Variants in CCSER1 observed in about 807,000 individuals in gnomAD.
CCSER1 encodes the protein coiled-coil serine rich protein 1.
In CCSER1, 41 loss-of-function variants were observed where a neutral mutation model predicts 82.0. The ratio of observed to expected loss-of-function variants is 0.50; its 90% CI spans 0.39 to 0.65. The LOEUF is 0.65. CCSER1 is among the 30% of genes least tolerant of loss of function. CCSER1 has a pLI of 0.00. For missense variants in CCSER1, 1,119 were observed against 1,064.2 expected, an observed-to-expected ratio of 1.05 and a Z score of -0.72; for synonymous variants, 414 against 383.9, an observed-to-expected ratio of 1.08 and a Z score of -0.92.
Position 90,216,146 on chromosome 4 carries a change from C to T in CCSER1, c.-42+88315C>T, listed in dbSNP as rs138412118. Among the ~76,000 whole-genome samples the T allele has an allele frequency of 2.9e-3, 449 of 152,234 alleles. 4 individuals carry two copies. Among genetic ancestry groups the T allele is most frequent in the Non-Finnish European group, 4.4e-3 (296 of 68,010 alleles). ...TGTGTGGTGGTTCTTGAATCAGCAC[C>T]GTCTGCATCACCTGGAAGCTTGTTA... On this transcript the variant is annotated intron_variant, in intron 1 of 10. Coordinates refer to ENST00000509176, the MANE Select transcript of CCSER1 (RefSeq NM_001145065.2).
rs748805446 is a variant in CCSER1, at chr4:90,308,926, A to G, written c.642A>G (p.Thr214=). 1.9e-6 allele frequency: 3 copies of G among 1,613,870 alleles called. No homozygotes were observed. Among genetic ancestry groups the G allele is most frequent in the Non-Finnish European group, 2.5e-6 (3 of 1,179,824 alleles). ...AGTCTGAATTCTCATTGGAAGTTAC[A>G]CAGTACCAAGAGAGAGAACCTGTAT... ...VQQSEFSLEV[T]QYQEREPVLV... is the part of the protein sequence containing the mutation. Residue 214 remains threonine (T), a synonymous_variant, in exon 2 of 11, where the codon ACA becomes ACG. Coordinates refer to ENST00000509176, the MANE Select transcript of CCSER1 (RefSeq NM_001145065.2).
chr4:91,245,292 A>G (rs2149135972), intron 10 of CCSER1, among the ~76,000 whole-genome samples: 1 of 152,310 alleles, frequency 6.6e-6, no homozygotes, highest in East Asian at 1.9e-4. Context: ...AAGTGTAAGA[A>G]GATTATAAAA....
Position 91,103,803 on chromosome 4 carries a change from C to T in CCSER1, c.2217+17809C>T, listed in dbSNP as rs185825236. ...ACCTTGAAAAAGAAGAGAATAACAGCGATTTTTAGGGAACAAGGAAAGACA... is the reference window on the plus strand; with the variant it reads ...ACCTTGAAAAAGAAGAGAATAACAGTGATTTTTAGGGAACAAGGAAAGACA... On this transcript the variant is annotated intron_variant, in intron 10 of 10. Coordinates refer to ENST00000509176, the MANE Select transcript of CCSER1 (RefSeq NM_001145065.2). 1.4e-4 allele frequency among the ~76,000 whole-genome samples: 22 copies of T among 152,000 alleles called. 1 individual carries two copies. Among genetic ancestry groups the T allele is most frequent in the African/African-American group, 5.3e-4 (22 of 41,358 alleles).
At chr4:91,546,282 A>G (rs764845584) in intron 10 of CCSER1, among the ~76,000 whole-genome samples, 53 of 152,092 alleles carry the variant, frequency 3.5e-4, no homozygotes, top group Non-Finnish European at 6.3e-4. Context: ...TATATAGAGA[A>G]TGAGTTAGGA....
intron 4 of CCSER1, among the ~76,000 whole-genome samples, chr4:90,453,854 T>TA (rs1339937983): frequency 3.9e-5 from 6 of 152,312 alleles, no homozygotes; most frequent in Non-Finnish European, 2.9e-5. Context: ...CTTAAAGGAC[T>TA]ACTTCAGTGT....
chr4:90,743,381 G>T (rs753292107), intron 7 of CCSER1, among the ~76,000 whole-genome samples: 4 of 152,112 alleles, frequency 2.6e-5, no homozygotes, highest in African/African-American at 9.7e-5. Context: ...TCTCAGCTAA[G>T]GAAATTATCT....
chr4:91,033,323 G>A (rs1741147884), intron 9 of CCSER1, among the ~76,000 whole-genome samples: 1 of 152,182 alleles, frequency 6.6e-6, no homozygotes, highest in Admixed American at 6.5e-5. Context: ...CAGTGAAAAG[G>A]AGCTGGAATT....
chr4:91,413,158 G>T (rs148674935), intron 10 of CCSER1, among the ~76,000 whole-genome samples: 1 of 152,102 alleles, frequency 6.6e-6, no homozygotes, highest in South Asian at 2.1e-4. Flanking sequence ...TCAAAGATAG[G>T]TTGGCCAGGC....
intron 10 of CCSER1, among the ~76,000 whole-genome samples, chr4:91,395,429 G>A (rs574693233): frequency 1.3e-5 from 2 of 152,060 alleles, no homozygotes; most frequent in African/African-American, 4.8e-5. Context: ...TTCCAAATGC[G>A]GCCTGATGGA....
intron 10 of CCSER1, among the ~76,000 whole-genome samples, chr4:91,096,333 G>C (rs57174110): frequency 0.016 from 2,475 of 152,234 alleles, 74 homozygotes; most frequent in African/African-American, 0.056. Context: ...GGCACTGTTG[G>C]TGCCATCTCC....
intron 10 of CCSER1, among the ~76,000 whole-genome samples, chr4:91,208,225 G>A (rs996836681): frequency 6.6e-5 from 10 of 150,962 alleles, no homozygotes; most frequent in African/African-American, 1.7e-4. Flanking sequence ...GTGCAGAAGC[G>A]CTTTAATTAG....
chr4:90,381,341 A>T (rs1749173272), intron 3 of CCSER1, among the ~76,000 whole-genome samples: 1 of 152,240 alleles, frequency 6.6e-6, no homozygotes, highest in South Asian at 2.1e-4. Flanking sequence ...TCTCAGATTT[A>T]TGAAACAAAT....
At chr4:90,850,084 C>T (rs1763681093) in intron 8 of CCSER1, among the ~76,000 whole-genome samples, 2 of 152,188 alleles carry the variant, frequency 1.3e-5, no homozygotes, top group African/African-American at 4.8e-5. Context: ...CCAAGGTACT[C>T]CTCAGACCAT....
intron 7 of CCSER1, among the ~76,000 whole-genome samples, chr4:90,775,153 C>T (rs1292603298): frequency 2.6e-5 from 4 of 152,250 alleles, no homozygotes; most frequent in Middle Eastern, 3.4e-3. Context: ...TGAATTAACC[C>T]TCTCACATAT....
intron 10 of CCSER1, among the ~76,000 whole-genome samples, chr4:91,467,339 CA>C (rs1284751396): frequency 6.6e-6 from 1 of 152,120 alleles, no homozygotes; most frequent in Non-Finnish European, 1.5e-5. Flanking sequence ...ACACCTTACA[CA>C]AAAATTAATT....
At chr4:90,956,040 C>A (rs552419161) in intron 9 of CCSER1, among the ~76,000 whole-genome samples, 1 of 152,190 alleles carries the variant, frequency 6.6e-6, no homozygotes, top group Non-Finnish European at 1.5e-5. Context: ...GGCCAAGAAT[C>A]TCTCACTTCC....
At chr4:90,135,486 A>G (rs1052253628) in intron 1 of CCSER1, among the ~76,000 whole-genome samples, 3 of 152,216 alleles carry the variant, frequency 2.0e-5, no homozygotes, top group Admixed American at 6.5e-5. Context: ...ACTTTCCTGG[A>G]TCTCCAAACA....
intron 1 of CCSER1, among the ~76,000 whole-genome samples, chr4:90,302,195 A>G (rs1211351491): frequency 6.6e-6 from 1 of 152,196 alleles, no homozygotes; most frequent in Non-Finnish European, 1.5e-5. Flanking sequence ...GTATTTTATC[A>G]GGCACTGGGT....
At chr4:90,569,036 G>A (rs1033231485) in intron 5 of CCSER1, among the ~76,000 whole-genome samples, 1 of 152,082 alleles carries the variant, frequency 6.6e-6, no homozygotes, top group Non-Finnish European at 1.5e-5. Context: ...ACAGGCATGA[G>A]CCACCATGCC....
Sources: gnomAD v4.1 joint callset for allele counts (sites outside exome capture counted in the v4.1 genomes callset) on GRCh38, gnomAD v4.1.1 for gene constraint, MANE v1.5 for transcripts, NCBI Gene and HGNC (gene_info 2026-07-23, HGNC 2026-07-21) for gene names.